DTNA: variants seen among roughly 807,000 people sequenced by gnomAD.
DTNA encodes dystrobrevin alpha, also known as dystrophin-related protein 3.
DTNA carries 43 observed loss-of-function variants against 100.7 expected under a neutral mutation model. That is an observed-to-expected ratio of 0.43 (90% CI 0.33 to 0.55). The LOEUF (loss-of-function observed/expected upper bound fraction) is 0.55. Ranked by LOEUF, DTNA falls within the 20% of genes least tolerant of loss-of-function variation. DTNA has a pLI of 0.04. For missense variants in DTNA, 798 were observed against 953.9 expected (o/e 0.84, Z 2.15); for synonymous variants, 349 against 347.9 (o/e 1.00, Z -0.04).
chr18:34,525,079 T>C (rs187426521), intron 1 of DTNA, among the ~76,000 whole-genome samples: 38 of 152,284 alleles, frequency 2.5e-4, no homozygotes, highest in African/African-American at 8.7e-4. Flanking sequence ...ATCAGAACTA[T>C]GTATGTTCTT....
intron 17 of DTNA, among the ~76,000 whole-genome samples, chr18:34,873,403 C>A (rs2096784450): frequency 6.6e-6 from 1 of 152,214 alleles, no homozygotes; most frequent in Non-Finnish European, 1.5e-5. Context: ...CTTGCTAAGG[C>A]CTCTGCCTTA....
intron 1 of DTNA, among the ~76,000 whole-genome samples, chr18:34,697,105 ATTC>A (rs1425364623): frequency 6.6e-6 from 1 of 150,858 alleles, no homozygotes; most frequent in Non-Finnish European, 1.5e-5. Flanking sequence ...ATGCTGAGAA[ATTC>A]TTCTAAAAAG....
At chr18:34,762,391 A>G (rs984167363) in intron 2 of DTNA, among the ~76,000 whole-genome samples, 1 of 152,284 alleles carries the variant, frequency 6.6e-6, no homozygotes, top group Admixed American at 6.5e-5. Context: ...GGGTCTATCA[A>G]CTTGGAGGAA....
intron 4 of DTNA, among the ~76,000 whole-genome samples, chr18:34,796,626 C>A (rs2094983229): frequency 6.6e-6 from 1 of 151,512 alleles, no homozygotes; most frequent in Non-Finnish European, 1.5e-5. Context: ...GGAAAAAATC[C>A]AAAATAAAAA....
chr18:34,879,404 GA>G, intron 19 of DTNA, 146 bp from the exon 20 acceptor site: 1 of 794,148 alleles, frequency 1.3e-6, no homozygotes, highest in Non-Finnish European at 2.0e-6. Flanking sequence ...TTCTTATTTT[GA>G]AACAATAAAA....
In DTNA at chr18:34,507,735, TTCTAAGTG is replaced by T. The variant is rs369319215; in HGVS notation, c.-2+14226_-2+14233del. ...CTTTGAAACTCTTTGTTAATGCAAA[TTCTAAGTG>T]TCTATCTTGGACCCACTGAATCACA... On this transcript the variant is annotated intron_variant, in intron 1 of 19. Coordinates refer to the DTNA transcript ENST00000283365. Among the ~76,000 whole-genome samples, 954 of 152,282 alleles carry T rather than the reference TTCTAAGTG, an allele frequency of 6.3e-3. 10 individuals are homozygous for T. The highest frequency in any genetic ancestry group is 0.022 in the African/African-American group (922 of 41,570).
chr18:34,583,629 GT>G (rs2048846713), intron 1 of DTNA, among the ~76,000 whole-genome samples: 1 of 151,470 alleles, frequency 6.6e-6, no homozygotes, highest in South Asian at 2.1e-4. Flanking sequence ...AGTGGTATGT[GT>G]TTTTAGCTAA....
At chr18:34,773,602 T>A (rs2093894358) in intron 3 of DTNA, among the ~76,000 whole-genome samples, 2 of 152,220 alleles carry the variant, frequency 1.3e-5, no homozygotes, top group Admixed American at 1.3e-4. Context: ...GACACTTGTT[T>A]AGAATAAAGG....
At chr18:34,654,800 C>T (rs961241980) in intron 1 of DTNA, among the ~76,000 whole-genome samples, 6 of 152,048 alleles carry the variant, frequency 3.9e-5, no homozygotes, top group African/African-American at 1.4e-4. Flanking sequence ...AATCTTGGCT[C>T]ACTGCAACCT....
At position 34,889,346 on chromosome 18, in the gene DTNA, G is replaced by T. The variant is rs2096950345; in HGVS notation, c.*1612G>T. On this transcript the variant is annotated 3_prime_UTR_variant, in exon 23 of 23. Transcript: ENST00000444659. ...TCAGGCCTACTGAATCAGAAGCTCT[G>T]GGGGTTGGGTCCAGAAGTCTGTTTT... The T allele has an allele frequency of 6.1e-6, 6 of 982,528 alleles. No homozygotes were observed. The highest frequency in any genetic ancestry group is 7.3e-6 in the Non-Finnish European group (6 of 827,362). The allele number at this position is 982,528 out of a possible 1,614,324, so 60.9% of individuals were successfully genotyped here.
At chr18:34,775,012 C>A (rs1330104868) in intron 3 of DTNA, among the ~76,000 whole-genome samples, 1 of 152,230 alleles carries the variant, frequency 6.6e-6, no homozygotes, top group African/African-American at 2.4e-5. Flanking sequence ...ACCTGAATTA[C>A]AATCTAAAAT....
intron 1 of DTNA, among the ~76,000 whole-genome samples, chr18:34,608,579 C>T (rs1358707489): frequency 2.0e-5 from 3 of 151,504 alleles, no homozygotes; most frequent in Non-Finnish European, 2.9e-5. Flanking sequence ...TTTCTAGGCC[C>T]AAATTGCTTC....
At chr18:34,789,016 A>G (rs1374197937) in intron 3 of DTNA, among the ~76,000 whole-genome samples, 1 of 152,180 alleles carries the variant, frequency 6.6e-6, no homozygotes, top group Non-Finnish European at 1.5e-5. Context: ...CCTCATTTTA[A>G]AAAAGGAATA....
chr18:34,790,136 A>T (rs2094653260), intron 3 of DTNA, among the ~76,000 whole-genome samples: 1 of 152,216 alleles, frequency 6.6e-6, no homozygotes, highest in African/African-American at 2.4e-5. Flanking sequence ...TCATTTAGTC[A>T]AAAGACATTT....
At chr18:34,861,682 T>C (rs1465669273) in intron 16 of DTNA, among the ~76,000 whole-genome samples, 1 of 152,108 alleles carries the variant, frequency 6.6e-6, no homozygotes, top group Non-Finnish European at 1.5e-5. Flanking sequence ...AGATTTGTTA[T>C]TATACCTACA....
intron 1 of DTNA, among the ~76,000 whole-genome samples, chr18:34,689,909 C>T (rs1345011448): frequency 1.3e-5 from 2 of 152,304 alleles, no homozygotes; most frequent in Middle Eastern, 3.4e-3. Flanking sequence ...GTGGGCCCCA[C>T]CCAGTCTGAA....
chr18:34,848,267 C>T (rs373335912), intron 13 of DTNA, 29 bp from the exon 14 acceptor site: 109 of 1,609,692 alleles, frequency 6.8e-5, no homozygotes, highest in Non-Finnish European at 8.7e-5. Flanking sequence ...AGTTGCCTAA[C>T]GGTCTCCTTC....
chr18:34,549,287 A>AT (rs951077746), intron 1 of DTNA, among the ~76,000 whole-genome samples: 2 of 152,226 alleles, frequency 1.3e-5, no homozygotes, highest in African/African-American at 4.8e-5. Flanking sequence ...TCATACAAGG[A>AT]TTCCCTGTAG....
At position 34,603,028 on chromosome 18, in the gene DTNA, A is replaced by AAATTT. The variant is rs1169624030; in HGVS notation, c.-2+109530_-2+109534dup. Among the ~76,000 whole-genome samples, 3 of 151,576 alleles carry AAATTT rather than the reference A, an allele frequency of 2.0e-5. No homozygotes were observed. The East Asian group carries it at 5.8e-4, about 29-fold the overall frequency. ...AAAAAAAAAATACAAAATAAAAAAT[A>AAATTT]AATTTAATTTAATTTAATTTTAAAA... On this transcript the variant is annotated intron_variant, in intron 1 of 19. Transcript: ENST00000283365.
Sources: gnomAD v4.1 joint callset for allele counts (sites outside exome capture counted in the v4.1 genomes callset) on GRCh38, gnomAD v4.1.1 for gene constraint, MANE v1.5 for transcripts, NCBI Gene and HGNC (gene_info 2026-07-23, HGNC 2026-07-21) for gene names.